Variants in PYGB observed in about 807,000 individuals in gnomAD.
PYGB encodes the protein glycogen phosphorylase, brain form.
In PYGB, 82 loss-of-function variants were observed where a neutral mutation model predicts 94.3. That is an observed-to-expected ratio of 0.87 (90% CI 0.73 to 1.04). The LOEUF (loss-of-function observed/expected upper bound fraction) is 1.04, where lower values mean the gene tolerates loss of function less well. Among genes scored for constraint, PYGB ranks in the 50% least tolerant of loss-of-function variants. The pLI is 0.00. For missense variants in PYGB, 1,132 were observed against 1,158.2 expected, an observed-to-expected ratio of 0.98 and a Z score of 0.33; for synonymous variants, 488 against 479.1, an observed-to-expected ratio of 1.02 and a Z score of -0.24.
intron 2 of PYGB, among the ~76,000 whole-genome samples, chr20:25,268,062 A>G (rs888137266): frequency 6.6e-6 from 1 of 151,984 alleles, no homozygotes; most frequent in African/African-American, 2.4e-5. Flanking sequence ...GGTTAAGTTT[A>G]GACCATAAAC....
chr20:25,260,458 A>G (rs1239952856), intron 2 of PYGB, among the ~76,000 whole-genome samples: 1 of 152,216 alleles, frequency 6.6e-6, no homozygotes, highest in Admixed American at 6.5e-5. Context: ...AAATTTAGAA[A>G]TTGCGGGCAA....
chr20:25,295,009 G>A (rs1568701551), intron 18 of PYGB: 9 of 1,614,190 alleles, frequency 5.6e-6, no homozygotes, highest in Non-Finnish European at 7.6e-6. Flanking sequence ...GATCTGGGCT[G>A]GAACCTGGGC....
chr20:25,285,315 G>C (rs2123585161), intron 14 of PYGB: 1 of 152,282 alleles, frequency 6.6e-6, no homozygotes, highest in South Asian at 2.1e-4. Context: ...TGGTGACCCG[G>C]AGTCCTCCGC....
Position 25,282,167 on chromosome 20 carries a change from C to A in PYGB, c.1518+20C>A, listed in dbSNP as rs569430072. On this transcript the variant is annotated intron_variant, in intron 12 of 19. Coordinates refer to ENST00000216962, the MANE Select transcript of PYGB (RefSeq NM_002862.4). ...GTGGAGGTGAGTCCCGGGCCCCACC[C>A]GTGCCTGTGGAGATGCCTGGGCTGA... 6 of 1,581,690 alleles carry A rather than the reference C, an allele frequency of 3.8e-6. No individual in the cohort carries two copies. In the South Asian group the frequency reaches 5.6e-5, roughly 15 times the overall value.
chr20:25,291,018 T>A (rs1364106536), intron 16 of PYGB, among the ~76,000 whole-genome samples: 1 of 142,660 alleles, frequency 7.0e-6, no homozygotes, highest in South Asian at 2.4e-4. Flanking sequence ...CCTCTCCTCC[T>A]GCCCCTCAGC....
chr20:25,282,418 C>G (rs1210199796), intron 12 of PYGB, among the ~76,000 whole-genome samples: 1 of 152,220 alleles, frequency 6.6e-6, no homozygotes, highest in Non-Finnish European at 1.5e-5. Context: ...GGGGCCACTG[C>G]AAAAGAGTCA....
At chr20:25,264,026 A>G (rs2092919118) in intron 2 of PYGB, among the ~76,000 whole-genome samples, 1 of 149,678 alleles carries the variant, frequency 6.7e-6, no homozygotes, top group African/African-American at 2.6e-5. Context: ...TGCAAAAATC[A>G]TAGTAAAATA....
At chr20:25,284,035 G>T in intron 13 of PYGB, 69 bp from the exon 14 acceptor site, 1 of 1,574,484 alleles carries the variant, frequency 6.4e-7, no homozygotes. Flanking sequence ...ACTTGAAGCA[G>T]GAAGCCGCAG....
intron 5 of PYGB, among the ~76,000 whole-genome samples, chr20:25,275,304 G>C (rs1277514907): frequency 6.6e-6 from 1 of 152,246 alleles, no homozygotes; most frequent in African/African-American, 2.4e-5. Flanking sequence ...TAGAGTGCTC[G>C]GCAGCGACGG....
chr20:25,262,743 T>C (rs578104066), intron 2 of PYGB, among the ~76,000 whole-genome samples: 42 of 151,728 alleles, frequency 2.8e-4, no homozygotes, highest in African/African-American at 9.7e-4. Context: ...GAGACACACA[T>C]AGGCTCAAAA....
In PYGB at chr20:25,296,731, A is replaced by G; in HGVS notation, c.*209A>G. On this transcript the variant is annotated 3_prime_UTR_variant, in exon 20 of 20. Transcript: ENST00000216962. ...AGTGCTCCTAGTTTCTTGTAAAGGA[A>G]GCCAGAGTTGACAGTACAAAGGGTC... is the stretch of plus-strand genomic sequence containing the variant. 1 of 672,726 alleles carries G rather than the reference A, an allele frequency of 1.5e-6. No homozygotes were observed. Among genetic ancestry groups the G allele is most frequent in the South Asian group, 2.0e-5 (1 of 50,398 alleles). The allele number at this position is 672,726 out of a possible 1,614,324, so 41.7% of individuals were successfully genotyped here. A position where few individuals can be genotyped will look rare whatever the true frequency, so the allele number is the denominator to read the frequency against.
chr20:25,294,631 G>A (rs1285977714), intron 18 of PYGB: 3 of 550,860 alleles, frequency 5.4e-6, no homozygotes, highest in Non-Finnish European at 9.8e-6. Context: ...GAGGGAGCAT[G>A]GGCCCAAAAC....
intron 3 of PYGB, among the ~76,000 whole-genome samples, chr20:25,270,197 TTTTG>T (rs1568688522): frequency 3.1e-5 from 4 of 130,998 alleles, no homozygotes; most frequent in African/African-American, 7.5e-5. Flanking sequence ...GTTTTTTTTG[TTTTG>T]TTTTGTTTTT....
intron 2 of PYGB, among the ~76,000 whole-genome samples, chr20:25,267,133 A>G (rs2088225296): frequency 6.6e-6 from 1 of 152,228 alleles, no homozygotes; most frequent in African/African-American, 2.4e-5. Flanking sequence ...GGCTAGCCAT[A>G]CAATGGAATA....
At chr20:25,295,776 C>A in intron 19 of PYGB, 106 bp downstream of exon 19, 4 of 1,294,322 alleles carry the variant, frequency 3.1e-6, no homozygotes, top group South Asian at 2.4e-5. Flanking sequence ...TTGGCCTGGG[C>A]CAGAGGGGTT....
intron 1 of PYGB, among the ~76,000 whole-genome samples, chr20:25,255,730 C>T (rs1039782916): frequency 1.4e-5 from 2 of 147,786 alleles, no homozygotes; most frequent in Admixed American, 1.3e-4. Context: ...AAGCAGCCGC[C>T]CAACTCTTTT....
chr20:25,282,905 C>A (rs1463966256), intron 12 of PYGB, among the ~76,000 whole-genome samples: 2 of 152,098 alleles, frequency 1.3e-5, no homozygotes, highest in East Asian at 3.9e-4. Flanking sequence ...GTCAGAGAAC[C>A]CTGGGATCGG....
At chr20:25,274,853 G>GT in intron 5 of PYGB, 130 bp downstream of exon 5, 1 of 1,381,424 alleles carries the variant, frequency 7.2e-7, no homozygotes, top group South Asian at 1.4e-5. Flanking sequence ...TAAGGTAAAA[G>GT]CCGGGGGAGG....
intron 6 of PYGB, 107 bp from the exon 7 acceptor site, chr20:25,277,137 C>A: frequency 1.2e-6 from 1 of 830,876 alleles, no homozygotes; most frequent in Non-Finnish European, 2.0e-6. Flanking sequence ...CTGGGGGAGT[C>A]CTGTGCTCGA....
Sources: allele counts gnomAD v4.1 joint callset (sites outside exome capture counted in the v4.1 genomes callset), GRCh38; gene constraint gnomAD v4.1.1; transcripts MANE v1.5; gene names NCBI Gene and HGNC (gene_info 2026-07-23, HGNC 2026-07-21).